The following UGT8 variants were observed in gnomAD, a reference collection of about 807,000 sequenced individuals.
UGT8 encodes the protein UDP glycosyltransferase 8, also known as 2-hydroxyacylsphingosine 1-beta-galactosyltransferase.
In UGT8, 12 loss-of-function variants were observed where a neutral mutation model predicts 40.5. The observed-to-expected ratio is 0.30, with a 90% CI of 0.19 to 0.48. The LOEUF (loss-of-function observed/expected upper bound fraction) is 0.48, where lower values mean the gene tolerates loss of function less well. Ranked by LOEUF, UGT8 falls within the 20% of genes least tolerant of loss-of-function variation. The pLI is 0.99. For synonymous variants in UGT8, 224 were observed against 240.4 expected (o/e 0.93, Z 0.63); for missense variants, 513 against 648.7 (o/e 0.79, Z 2.27).
intron 1 of UGT8, among the ~76,000 whole-genome samples, chr4:114,609,708 A>C (rs1019104883): frequency 2.6e-5 from 4 of 152,078 alleles, no homozygotes; most frequent in Non-Finnish European, 5.9e-5. Context: ...TATGGGCTTT[A>C]AATGCTTTAT....
At chr4:114,599,532 G>T (rs1001631044) in intron 1 of UGT8, among the ~76,000 whole-genome samples, 12 of 152,206 alleles carry the variant, frequency 7.9e-5, no homozygotes, top group Admixed American at 5.2e-4. Flanking sequence ...GTACAAGCTC[G>T]CTGAGACTTT....
intron 2 of UGT8, among the ~76,000 whole-genome samples, chr4:114,629,958 C>T (rs971830090): frequency 1.3e-5 from 2 of 152,150 alleles, no homozygotes; most frequent in Non-Finnish European, 2.9e-5. Context: ...ATATTTTTAA[C>T]TGATAATTTT....
At chr4:114,602,404 AT>A (rs576253412) in intron 1 of UGT8, among the ~76,000 whole-genome samples, 2 of 152,220 alleles carry the variant, frequency 1.3e-5, no homozygotes, top group Non-Finnish European at 2.9e-5. Flanking sequence ...TTATTTAAAT[AT>A]TATTTTGCAA....
At chr4:114,667,984 AT>A in intron 4 of UGT8, 100 bp from the exon 5 acceptor site, 1 of 1,489,224 alleles carries the variant, frequency 6.7e-7, no homozygotes, top group South Asian at 1.4e-5. Flanking sequence ...TTTATCTGAA[AT>A]GCATGTTTAC....
At chr4:114,647,866 C>A (rs1031397100) in intron 2 of UGT8, among the ~76,000 whole-genome samples, 4 of 152,136 alleles carry the variant, frequency 2.6e-5, no homozygotes, top group Non-Finnish European at 5.9e-5. Context: ...TCCCTTATAT[C>A]CTCTTATTGC....
chr4:114,631,764 G>T (rs116915007), intron 2 of UGT8, among the ~76,000 whole-genome samples: 4 of 152,150 alleles, frequency 2.6e-5, no homozygotes, highest in African/African-American at 9.7e-5. Flanking sequence ...ATAGCATTGC[G>T]TAATGTATTT....
chr4:114,674,342 G>C (rs1160534989), intron 5 of UGT8, among the ~76,000 whole-genome samples: 1 of 152,036 alleles, frequency 6.6e-6, no homozygotes, highest in Non-Finnish European at 1.5e-5. Flanking sequence ...AATTACATAT[G>C]ATCTCTCCCT....
chr4:114,623,036 A>G lies in UGT8; in HGVS notation c.156A>G (p.Thr52=), dbSNP rs773861725. 9 of 1,614,022 alleles carry G rather than the reference A, an allele frequency of 5.6e-6. No individual in the cohort carries two copies. Among genetic ancestry groups the G allele is most frequent in the Non-Finnish European group, 7.6e-6 (9 of 1,180,024 alleles). The stretch of plus-strand genomic sequence containing the variant: ...CCTTGCACGAGAGAGGCCACCATAC[A>G]GTGTTCCTCCTCTCTGAAGGCAGAG... ...ASALHERGHH[T]VFLLSEGRDI... Residue 52 remains threonine, a synonymous_variant, in exon 2 of 6, where the codon ACA becomes ACG. Transcript: ENST00000310836.
At chr4:114,669,381 C>CATATATATATATATAT (rs5861189) in intron 5 of UGT8, among the ~76,000 whole-genome samples, 1 of 150,446 alleles carries the variant, frequency 6.6e-6, no homozygotes, top group African/African-American at 2.5e-5. Flanking sequence ...ATTTCATATA[C>CATATATATATATATAT]ATATATATAT....
At chr4:114,641,053 C>T (rs1229613390) in intron 2 of UGT8, among the ~76,000 whole-genome samples, 1 of 152,130 alleles carries the variant, frequency 6.6e-6, no homozygotes, top group Non-Finnish European at 1.5e-5. Context: ...TAAACTTTTG[C>T]ATGTGCTGTG....
intron 2 of UGT8, among the ~76,000 whole-genome samples, chr4:114,644,756 G>T (rs867486740): frequency 2.0e-5 from 3 of 152,154 alleles, no homozygotes; most frequent in Admixed American, 1.3e-4. Context: ...CTCTCTTTCA[G>T]TTAATGCTTA....
chr4:114,664,173 A>G (rs1734719238), intron 3 of UGT8, 36 bp downstream of exon 3: 1 of 1,607,612 alleles, frequency 6.2e-7, no homozygotes, highest in East Asian at 2.2e-5. Context: ...TTTGCTATTG[A>G]CAATCAATAT....
At chr4:114,653,393 C>T (rs2126124154) in intron 2 of UGT8, among the ~76,000 whole-genome samples, 1 of 152,006 alleles carries the variant, frequency 6.6e-6, no homozygotes, top group South Asian at 2.1e-4. Context: ...TTGTCATTGA[C>T]CTGGAAGGAT....
At chr4:114,658,121 C>T (rs1350634151) in intron 2 of UGT8, among the ~76,000 whole-genome samples, 1 of 152,062 alleles carries the variant, frequency 6.6e-6, no homozygotes, top group Non-Finnish European at 1.5e-5. Flanking sequence ...AGAGCATTTG[C>T]TATCAAAATG....
At chr4:114,635,624 A>G (rs1732842581) in intron 2 of UGT8, among the ~76,000 whole-genome samples, 1 of 152,222 alleles carries the variant, frequency 6.6e-6, no homozygotes, top group Non-Finnish European at 1.5e-5. Flanking sequence ...AAAAATTGAA[A>G]TTATAGAAAA....
At chr4:114,661,431 C>T in intron 2 of UGT8, among the ~76,000 whole-genome samples, 1 of 152,174 alleles carries the variant, frequency 6.6e-6, no homozygotes. Context: ...GCCTCCCAAA[C>T]CACTGGACGA....
chr4:114,616,474 C>A (rs1377978806), intron 1 of UGT8, among the ~76,000 whole-genome samples: 3 of 152,112 alleles, frequency 2.0e-5, no homozygotes, highest in African/African-American at 4.8e-5. Context: ...GTGGGAGTGA[C>A]CCGATTTTCC....
chr4:114,640,993 A>T (rs1012773441), intron 2 of UGT8, among the ~76,000 whole-genome samples: 2 of 152,166 alleles, frequency 1.3e-5, no homozygotes, highest in African/African-American at 4.8e-5. Context: ...TCTTTGTGGC[A>T]TTTTAGTCAT....
chr4:114,649,314 A>G (rs1416673538), intron 2 of UGT8, among the ~76,000 whole-genome samples: 2 of 152,192 alleles, frequency 1.3e-5, no homozygotes, highest in Admixed American at 6.5e-5. Context: ...TTTACAGTCA[A>G]TCAGAAGCGT....
Sources: gnomAD v4.1 joint callset for allele counts (sites outside exome capture counted in the v4.1 genomes callset) on GRCh38, gnomAD v4.1.1 for gene constraint, MANE v1.5 for transcripts, NCBI Gene and HGNC (gene_info 2026-07-23, HGNC 2026-07-21) for gene names.